Variants in PEX14 observed in about 807,000 individuals in gnomAD.
PEX14 encodes peroxisomal membrane protein PEX14.
PEX14 carries 15 observed loss-of-function variants against 49.5 expected under a neutral mutation model. The observed-to-expected ratio is 0.30, with a 90% CI of 0.20 to 0.47. The LOEUF is 0.47. PEX14 is among the 20% of genes least tolerant of loss of function. The probability of loss-of-function intolerance (pLI) is 1.00; values close to 1 mark genes in which losing one functional copy is unlikely to be tolerated. For missense variants in PEX14, 398 were observed against 494.8 expected (o/e 0.80, Z 1.86); for synonymous variants, 210 against 212.7 (o/e 0.99, Z 0.11).
rs182180221 is a variant in PEX14, at chr1:10,485,949, G to A, written c.37-9325G>A. On this transcript the variant is annotated intron_variant, in intron 1 of 8. Coordinates refer to ENST00000356607, the MANE Select transcript of PEX14 (RefSeq NM_004565.3). ...TTTTTTGTATTTTTAGTAGAGACGG[G>A]GTTTCACCATGTTGGCCAGGCTGGT... 2.0e-5 allele frequency among the ~76,000 whole-genome samples: 3 copies of A among 151,722 alleles called. 1 individual carries two copies. Among genetic ancestry groups the A allele is most frequent in the African/African-American group, 7.3e-5 (3 of 41,326 alleles).
At chr1:10,541,129 C>G (rs1638996875) in intron 3 of PEX14, among the ~76,000 whole-genome samples, 1 of 152,212 alleles carries the variant, frequency 6.6e-6, no homozygotes, top group African/African-American at 2.4e-5. Context: ...TCTGGGTTCT[C>G]TCACTGACTG....
At chr1:10,573,604 T>A (rs537656977) in intron 3 of PEX14, among the ~76,000 whole-genome samples, 1 of 152,208 alleles carries the variant, frequency 6.6e-6, no homozygotes, top group African/African-American at 2.4e-5. Flanking sequence ...GAATAGCAAA[T>A]GTTGTCAAGA....
chr1:10,591,048 A>C (rs941729718), intron 3 of PEX14, among the ~76,000 whole-genome samples: 16 of 152,204 alleles, frequency 1.1e-4, no homozygotes, highest in African/African-American at 3.1e-4. Context: ...TGTGTCTTAT[A>C]GTGGAGTTGT....
At chr1:10,580,350 G>A (rs560252233) in intron 3 of PEX14, among the ~76,000 whole-genome samples, 4 of 152,032 alleles carry the variant, frequency 2.6e-5, no homozygotes, top group East Asian at 1.9e-4. Context: ...TTGGCCTCCC[G>A]GGTAGCTGGG....
intron 2 of PEX14, 128 bp from the exon 3 acceptor site, chr1:10,536,085 C>T: frequency 1.4e-6 from 1 of 720,998 alleles, no homozygotes; most frequent in Non-Finnish European, 2.6e-6. Context: ...TAAGAAATAA[C>T]TGGTTATAAA....
intron 2 of PEX14, among the ~76,000 whole-genome samples, chr1:10,516,761 A>T (rs1286164722): frequency 6.6e-6 from 1 of 152,222 alleles, no homozygotes; most frequent in Non-Finnish European, 1.5e-5. Flanking sequence ...CCAGAAGGAA[A>T]ACCAGTACTT....
At chr1:10,607,879 T>G (rs1251469163) in intron 4 of PEX14, among the ~76,000 whole-genome samples, 1 of 152,216 alleles carries the variant, frequency 6.6e-6, no homozygotes, top group Non-Finnish European at 1.5e-5. Context: ...TTAATTTTGA[T>G]GACATATATT....
At chr1:10,582,438 C>G (rs1270735578) in intron 3 of PEX14, among the ~76,000 whole-genome samples, 1 of 152,144 alleles carries the variant, frequency 6.6e-6, no homozygotes, top group Admixed American at 6.5e-5. Flanking sequence ...AGAAAGGTTA[C>G]AAAGCCATCT....
chr1:10,511,489 G>A (rs1408995814), intron 2 of PEX14, among the ~76,000 whole-genome samples: 1 of 152,116 alleles, frequency 6.6e-6, no homozygotes, highest in East Asian at 1.9e-4. Context: ...GTTTAGAAAT[G>A]GAAATGACCA....
At chr1:10,537,423 A>G (rs1638852193) in intron 3 of PEX14, among the ~76,000 whole-genome samples, 1 of 143,796 alleles carries the variant, frequency 7.0e-6, no homozygotes, top group Non-Finnish European at 1.5e-5. Context: ...GCATCATGCC[A>G]TAAAAGAGTT....
intron 5 of PEX14, among the ~76,000 whole-genome samples, chr1:10,620,345 G>C (rs958523962): frequency 6.8e-6 from 1 of 147,274 alleles, no homozygotes; most frequent in Non-Finnish European, 1.5e-5. Context: ...AGCTAGGCAT[G>C]GTGGTGTGAG....
intron 4 of PEX14, among the ~76,000 whole-genome samples, chr1:10,608,695 C>T (rs1472515376): frequency 1.3e-5 from 2 of 150,052 alleles, no homozygotes; most frequent in Non-Finnish European, 3.0e-5. Context: ...AATCAACTGA[C>T]TATATATGAA....
intron 1 of PEX14, among the ~76,000 whole-genome samples, chr1:10,475,603 T>C (rs1012055562): frequency 3.3e-5 from 5 of 152,188 alleles, no homozygotes; most frequent in African/African-American, 9.6e-5. Context: ...CTCGCTTCCC[T>C]GGGTTTGGTT....
At chr1:10,580,276 A>G (rs4579762) in intron 3 of PEX14, among the ~76,000 whole-genome samples, 140,134 of 152,116 alleles carry the variant, frequency 0.92, 65,625 homozygotes, top group East Asian at 1. Flanking sequence ...CCAGGCTGGC[A>G]TGCAGTGGCA....
chr1:10,508,466 C>T (rs954078661), intron 2 of PEX14, among the ~76,000 whole-genome samples: 2 of 152,206 alleles, frequency 1.3e-5, no homozygotes, highest in Non-Finnish European at 2.9e-5. Flanking sequence ...GCTGGGGTTA[C>T]AGGCGTGAGC....
rs534400683 is a variant in PEX14, at chr1:10,553,797, C to CT, written c.169+17501dup. Reference sequence around the variant, plus strand: ...TGCTCTTCCCTGAGTTTGTCCTTCTCTGTTATATCTGCATGTGTTTCCACT... The same window carrying CT: ...TGCTCTTCCCTGAGTTTGTCCTTCTCTTGTTATATCTGCATGTGTTTCCACT... On this transcript the variant is annotated intron_variant, in intron 3 of 8. Coordinates refer to ENST00000356607, the MANE Select transcript of PEX14 (RefSeq NM_004565.3). Among the ~76,000 whole-genome samples the CT allele has an allele frequency of 4.6e-5, 7 of 152,262 alleles. No homozygotes were observed. The South Asian group carries it at 1.5e-3, about 32-fold the overall frequency.
chr1:10,588,114 G>A (rs931006448), intron 3 of PEX14, among the ~76,000 whole-genome samples: 10 of 151,566 alleles, frequency 6.6e-5, no homozygotes, highest in Non-Finnish European at 1.3e-4. Context: ...CCAGCTACTC[G>A]GGAGGCTGAG....
At chr1:10,556,870 A>G (rs1474234905) in intron 3 of PEX14, among the ~76,000 whole-genome samples, 1 of 152,092 alleles carries the variant, frequency 6.6e-6, no homozygotes, top group Non-Finnish European at 1.5e-5. Flanking sequence ...TCCCCATTTT[A>G]TAGACTGAGA....
rs1465755505 is a variant in PEX14, at chr1:10,494,198, C to T, written c.37-1076C>T. Among the ~76,000 whole-genome samples, 1 of 152,204 alleles carries T rather than the reference C, an allele frequency of 6.6e-6. No homozygotes were observed. Among genetic ancestry groups the T allele is most frequent in the Non-Finnish European group, 1.5e-5 (1 of 68,042 alleles). Reference sequence around the variant, plus strand: ...TGCTTGCCACTGTGCTGTGTGCCAGCTAATGTGGTAGTAGCTGGGCATGAG... The same window carrying T: ...TGCTTGCCACTGTGCTGTGTGCCAGTTAATGTGGTAGTAGCTGGGCATGAG... On this transcript the variant is annotated intron_variant, in intron 1 of 8. Transcript: ENST00000356607. The surrounding 1 kb of genome is among the most constrained non-coding windows in gnomAD (Gnocchi z 4.3).
Sources: gnomAD v4.1 joint callset for allele counts (sites outside exome capture counted in the v4.1 genomes callset) on GRCh38, gnomAD v4.1.1 for gene constraint, Gnocchi (gnomAD v3.1) non-coding constraint, MANE v1.5 for transcripts, NCBI Gene and HGNC (gene_info 2026-07-23, HGNC 2026-07-21) for gene names.